The following GREB1L variants were observed in gnomAD, a reference collection of about 807,000 sequenced individuals.
GREB1L encodes the protein GREB1 like retinoic acid receptor coactivator, also known as GREB1-like protein.
GREB1L carries 17 observed loss-of-function variants against 200.8 expected under a neutral mutation model. The ratio of observed to expected loss-of-function variants is 0.08; its 90% CI spans 0.06 to 0.13. The LOEUF is 0.13. Ranked by LOEUF, GREB1L falls within the 10% of genes least tolerant of loss-of-function variation. The pLI is 1.00. For synonymous variants in GREB1L, 789 were observed against 893.0 expected (o/e 0.88, Z 2.08); for missense variants, 1,657 against 2,367.7 (o/e 0.70, Z 6.23).
chr18:21,508,091 C>T (rs1440205633), intron 25 of GREB1L, 27 bp from the exon 26 acceptor site: 1 of 1,547,884 alleles, frequency 6.5e-7, no homozygotes, highest in Non-Finnish European at 8.7e-7. Context: ...TACTTACGTT[C>T]CCTCCCTTTC....
intron 14 of GREB1L, among the ~76,000 whole-genome samples, chr18:21,453,852 T>A (rs898775408): frequency 6.6e-6 from 1 of 152,184 alleles, no homozygotes; most frequent in Non-Finnish European, 1.5e-5. Flanking sequence ...TCCGACCATG[T>A]TGCAACTGAC....
Position 21,490,370 on chromosome 18 carries a change from T to G in GREB1L, c.3030+19T>G. 6.5e-7 allele frequency: 1 copy of G among 1,535,676 alleles called. No homozygotes were observed. Among genetic ancestry groups the G allele is most frequent in the Non-Finnish European group, 8.8e-7 (1 of 1,134,730 alleles). On this transcript the variant is annotated intron_variant, in intron 19 of 32. Transcript: ENST00000424526. ...ATTAAAGGTTAGCAATGGACAGACA[T>G]TTCTCCTTTAAAATACCATTTGTTT...
chr18:21,341,432 A>G lies in GREB1L; in HGVS notation c.-119-24595A>G, dbSNP rs200854565. ...TCTGTACTTCCCTTGTCCTCTGTCA[A>G]ACAAATGTGATTGCAAGTGCTCACT... On this transcript the variant is annotated intron_variant, in intron 1 of 32. Coordinates refer to ENST00000424526, the MANE Select transcript of GREB1L (RefSeq NM_001142966.3). Among the ~76,000 whole-genome samples, 35 of 152,288 alleles carry G rather than the reference A, an allele frequency of 2.3e-4. No homozygotes were observed. In the East Asian group the frequency reaches 6.0e-3, roughly 26 times the overall value.
At chr18:21,273,488 G>T (rs73959827) in intron 1 of GREB1L, among the ~76,000 whole-genome samples, 2,003 of 151,930 alleles carry the variant, frequency 0.013, 47 homozygotes, top group African/African-American at 0.046. Flanking sequence ...TATTTTAATT[G>T]TCTATTCATT....
At chr18:21,371,901 A>G (rs2039890562) in intron 2 of GREB1L, among the ~76,000 whole-genome samples, 1 of 152,188 alleles carries the variant, frequency 6.6e-6, no homozygotes, top group Non-Finnish European at 1.5e-5. Context: ...GTTTTCACAA[A>G]AATCTATGAA....
At chr18:21,249,101 T>C (rs965244996) in intron 1 of GREB1L, among the ~76,000 whole-genome samples, 4 of 152,142 alleles carry the variant, frequency 2.6e-5, no homozygotes, top group African/African-American at 4.8e-5. Context: ...TCTATGAAAA[T>C]AGTGTTACAT....
chr18:21,493,609 A>G (rs766035594), intron 19 of GREB1L, among the ~76,000 whole-genome samples: 58 of 152,272 alleles, frequency 3.8e-4, no homozygotes, highest in Admixed American at 1.6e-3. Flanking sequence ...GCTCACGCCT[A>G]TAATCCCAGC....
At chr18:21,431,979 G>C (rs2033190553) in intron 7 of GREB1L, among the ~76,000 whole-genome samples, 1 of 133,848 alleles carries the variant, frequency 7.5e-6, no homozygotes, top group Non-Finnish European at 1.5e-5. Flanking sequence ...CTGGAGTGCA[G>C]TGGCATGATC....
At chr18:21,323,293 G>C (rs1812651826) in intron 1 of GREB1L, among the ~76,000 whole-genome samples, 1 of 151,810 alleles carries the variant, frequency 6.6e-6, no homozygotes, top group Non-Finnish European at 1.5e-5. Flanking sequence ...TCTCAAAAAT[G>C]AAATAAAAAA....
In GREB1L at chr18:21,524,659, G is replaced by A. The variant is rs1262220590; in HGVS notation, c.*1838G>A. ...GAATTCTGAAACAATTGTACCTGGGGTGGATGGCCTCTCAGGGTTTCTTCT... is the reference window on the plus strand; with the variant it reads ...GAATTCTGAAACAATTGTACCTGGGATGGATGGCCTCTCAGGGTTTCTTCT... On this transcript the variant is annotated 3_prime_UTR_variant, in exon 33 of 33. Coordinates refer to ENST00000424526, the MANE Select transcript of GREB1L (RefSeq NM_001142966.3). 2 of 152,150 alleles carry A rather than the reference G, an allele frequency of 1.3e-5. No homozygotes were observed. The highest frequency in any genetic ancestry group is 1.3e-4 in the Admixed American group (2 of 15,266). 9.4% of individuals were successfully genotyped at this position (152,150 alleles called of 1,614,324 possible). A position where few individuals can be genotyped will look rare whatever the true frequency, so the allele number is the denominator to read the frequency against.
At chr18:21,428,575 A>G (rs1214174081) in intron 7 of GREB1L, among the ~76,000 whole-genome samples, 2 of 149,520 alleles carry the variant, frequency 1.3e-5, no homozygotes, top group African/African-American at 4.9e-5. Flanking sequence ...ATAGATTTTC[A>G]TATGTTAAGC....
intron 7 of GREB1L, among the ~76,000 whole-genome samples, chr18:21,404,638 G>T (rs1159642115): frequency 6.6e-6 from 1 of 152,234 alleles, no homozygotes; most frequent in Non-Finnish European, 1.5e-5. Flanking sequence ...CCCAGGCCCT[G>T]AGGCCAAGAT....
At chr18:21,373,125 G>A (rs1006318567) in intron 2 of GREB1L, among the ~76,000 whole-genome samples, 4 of 151,952 alleles carry the variant, frequency 2.6e-5, no homozygotes, top group Admixed American at 6.6e-5. Context: ...GCTTCATATC[G>A]TCTCCACTGA....
intron 15 of GREB1L, chr18:21,468,724 A>G (rs1280081290): frequency 4.4e-6 from 2 of 456,516 alleles, no homozygotes; most frequent in Non-Finnish European, 8.8e-6. Flanking sequence ...TTCCTGTTCC[A>G]GGTTCCAGTC....
chr18:21,472,967 A>G (rs554234685), intron 15 of GREB1L, 64 bp from the exon 16 acceptor site: 119 of 1,140,480 alleles, frequency 1.0e-4, no homozygotes, highest in African/African-American at 4.3e-4. Context: ...ACTCAAGTCT[A>G]TCTCCTGTGT....
At chr18:21,419,057 A>G (rs761979069) in intron 7 of GREB1L, among the ~76,000 whole-genome samples, 20 of 152,182 alleles carry the variant, frequency 1.3e-4, no homozygotes, top group Non-Finnish European at 2.9e-4. Flanking sequence ...TAGCATTCAT[A>G]TAGTAGTTAT....
At chr18:21,517,389 C>T (rs920163175) in intron 30 of GREB1L, among the ~76,000 whole-genome samples, 2 of 152,048 alleles carry the variant, frequency 1.3e-5, no homozygotes, top group African/African-American at 2.4e-5. Flanking sequence ...GACAGAGTCT[C>T]GCTCTGTTGC....
chr18:21,297,796 G>A (rs1391523581), intron 1 of GREB1L, among the ~76,000 whole-genome samples: 2 of 151,958 alleles, frequency 1.3e-5, no homozygotes, highest in African/African-American at 4.8e-5. Context: ...TGCTTGTGTG[G>A]CATTATCTCT....
intron 16 of GREB1L, among the ~76,000 whole-genome samples, chr18:21,473,436 A>G (rs1598895371): frequency 6.6e-6 from 1 of 152,020 alleles, no homozygotes; most frequent in Non-Finnish European, 1.5e-5. Context: ...TGGGCCTGGT[A>G]GTGCATGCCT....
Sources: allele counts gnomAD v4.1 joint callset (sites outside exome capture counted in the v4.1 genomes callset), GRCh38; gene constraint gnomAD v4.1.1; transcripts MANE v1.5; gene names NCBI Gene and HGNC (gene_info 2026-07-23, HGNC 2026-07-21).